Variants in TMEM52B observed in about 807,000 individuals in gnomAD.
The protein encoded by TMEM52B is chromosome 12 open reading frame 59.
TMEM52B carries 11 observed loss-of-function variants against 16.1 expected under a neutral mutation model. That is an observed-to-expected ratio of 0.68 (90% confidence interval 0.43 to 1.13). TMEM52B has a LOEUF of 1.13. Among genes scored for constraint, TMEM52B ranks in the 50% most tolerant of loss-of-function variants. The probability of loss-of-function intolerance (pLI) is 0.00; values close to 1 mark genes in which losing one functional copy is unlikely to be tolerated. For missense variants in TMEM52B, 243 were observed against 230.4 expected, an observed-to-expected ratio of 1.05 and a Z score of -0.35; for synonymous variants, 101 against 93.8, an observed-to-expected ratio of 1.08 and a Z score of -0.45.
At chr12:10,183,509 A>C (rs1440953450) in intron 2 of TMEM52B, among the ~76,000 whole-genome samples, 1 of 152,242 alleles carries the variant, frequency 6.6e-6, no homozygotes, top group Non-Finnish European at 1.5e-5. Context: ...ACCAGAGAAT[A>C]AAAATAGATT....
chr12:10,182,391 G>A (rs918818942), intron 1 of TMEM52B, 159 bp from the exon 2 acceptor site: 1 of 985,234 alleles, frequency 1.0e-6, no homozygotes, highest in African/African-American at 1.7e-5. Context: ...CAGCAAGTAT[G>A]GGAGAGATGA....
At chr12:10,174,162 G>A (rs74821770), upstream of TMEM52B, among the ~76,000 whole-genome samples, 3 of 152,266 alleles carry the variant, frequency 2.0e-5, no homozygotes, top group African/African-American at 7.2e-5. Flanking sequence ...CTGGGTTCAA[G>A]CAATTCTCCT....
At chr12:10,173,313 A>G (rs1478000075) in intron 1 of TMEM52B, among the ~76,000 whole-genome samples, 2 of 152,200 alleles carry the variant, frequency 1.3e-5, no homozygotes, top group Non-Finnish European at 2.9e-5. Flanking sequence ...AGGAAAAAAA[A>G]GTGCAAAGAA....
At chr12:10,185,079 A>G (rs575051368) in intron 2 of TMEM52B, among the ~76,000 whole-genome samples, 5 of 152,320 alleles carry the variant, frequency 3.3e-5, no homozygotes, top group Admixed American at 1.3e-4. Flanking sequence ...GACACTTCTA[A>G]TGATCACTAG....
chr12:10,189,316 G>C (rs964326942), intron 4 of TMEM52B, among the ~76,000 whole-genome samples: 1 of 151,890 alleles, frequency 6.6e-6, no homozygotes, highest in Non-Finnish European at 1.5e-5. Flanking sequence ...GGGCAGGGTT[G>C]AGTTGCAGGA....
upstream of TMEM52B, among the ~76,000 whole-genome samples, chr12:10,174,298 A>G (rs942047454): frequency 6.6e-6 from 1 of 152,078 alleles, no homozygotes; most frequent in East Asian, 1.9e-4. Context: ...CCTGTCCTCA[A>G]GTGATCCGCC....
At chr12:10,187,640 C>G (rs887611212) in intron 4 of TMEM52B, among the ~76,000 whole-genome samples, 2 of 151,752 alleles carry the variant, frequency 1.3e-5, no homozygotes, top group Non-Finnish European at 2.9e-5. Flanking sequence ...ACCATGTTGG[C>G]CAGGCTGGTC....
chr12:10,188,347 T>C (rs1948905377), intron 4 of TMEM52B, among the ~76,000 whole-genome samples: 1 of 150,848 alleles, frequency 6.6e-6, no homozygotes, highest in African/African-American at 2.4e-5. Context: ...TAGTCCCAGC[T>C]ACTCGGGAGG....
exon 1 of TMEM52B, chr12:10,170,682 A>T (rs1948707190): frequency 6.6e-6 from 1 of 152,116 alleles, no homozygotes; most frequent in Admixed American, 6.6e-5. Context: ...AGTACAGATG[A>T]GGTTTCACCG....
At position 10,179,574 on chromosome 12, in the gene TMEM52B, G is replaced by A. The variant is rs368962696; in HGVS notation, c.-1G>A. Reference sequence around the variant, plus strand: ...TTCTGAAGAAGCAGGAATTCAGCCCGATGGGAGTCCGAGTTCATGTCGTGG... The same window carrying A: ...TTCTGAAGAAGCAGGAATTCAGCCCAATGGGAGTCCGAGTTCATGTCGTGG... On this transcript the variant is annotated 5_prime_UTR_variant, in exon 1 of 5. Coordinates refer to ENST00000543484, the MANE Select transcript of TMEM52B (RefSeq NM_001384896.1). 35 of 1,614,064 alleles carry A rather than the reference G, an allele frequency of 2.2e-5. No homozygotes were observed. The highest frequency in any genetic ancestry group is 1.6e-4 in the Middle Eastern group (1 of 6,084).
At chr12:10,182,439 A>G in intron 1 of TMEM52B, 111 bp from the exon 2 acceptor site, 1 of 1,427,766 alleles carries the variant, frequency 7.0e-7, no homozygotes, top group Non-Finnish European at 9.2e-7. Context: ...TATGACCGTG[A>G]CCTTCTTACT....
chr12:10,183,902 T>A (rs1312495246), intron 2 of TMEM52B, among the ~76,000 whole-genome samples: 3 of 152,148 alleles, frequency 2.0e-5, no homozygotes, highest in African/African-American at 7.2e-5. Flanking sequence ...ACTTCTAAAA[T>A]CCCCAAAGTA....
intron 2 of TMEM52B, among the ~76,000 whole-genome samples, chr12:10,184,195 G>A (rs1181199950): frequency 3.3e-5 from 5 of 152,164 alleles, no homozygotes; most frequent in Non-Finnish European, 7.3e-5. Context: ...TGGTGCACTC[G>A]GAAGACCTGC....
upstream of TMEM52B, among the ~76,000 whole-genome samples, chr12:10,176,854 C>T (rs1948769486): frequency 6.6e-6 from 1 of 152,084 alleles, no homozygotes; most frequent in Non-Finnish European, 1.5e-5. Context: ...TCACACAGCT[C>T]ATAAGTGACA....
chr12:10,170,672 A>G (rs1444862614), exon 1 of TMEM52B: 2 of 152,058 alleles, frequency 1.3e-5, no homozygotes, highest in Non-Finnish European at 2.9e-5. Flanking sequence ...TTGTATTTTT[A>G]GTACAGATGA....
At chr12:10,189,004 G>A (rs1445524273) in intron 4 of TMEM52B, among the ~76,000 whole-genome samples, 5 of 111,262 alleles carry the variant, frequency 4.5e-5, no homozygotes, top group East Asian at 6.1e-4. Context: ...GCGACAGAGC[G>A]AGACTCCGTC....
intron 1 of TMEM52B, among the ~76,000 whole-genome samples, chr12:10,180,909 G>T (rs994874212): frequency 2.6e-5 from 4 of 152,046 alleles, no homozygotes; most frequent in African/African-American, 9.7e-5. Flanking sequence ...GGGTTCAAGC[G>T]ATTCTCTTGC....
intron 2 of TMEM52B, 119 bp from the exon 3 acceptor site, chr12:10,185,211 C>A: frequency 1.3e-6 from 1 of 747,760 alleles, no homozygotes; most frequent in Admixed American, 2.2e-5. Context: ...AAACATAACC[C>A]ATGGTGCTTT....
At chr12:10,184,418 G>C (rs1212852268) in intron 2 of TMEM52B, among the ~76,000 whole-genome samples, 1 of 152,096 alleles carries the variant, frequency 6.6e-6, no homozygotes, top group East Asian at 1.9e-4. Context: ...ATTGTGATTG[G>C]CATCAGAATT....
Sources: allele counts gnomAD v4.1 joint callset (sites outside exome capture counted in the v4.1 genomes callset), GRCh38; gene constraint gnomAD v4.1.1; transcripts MANE v1.5; gene names NCBI Gene and HGNC (gene_info 2026-07-23, HGNC 2026-07-21).